Variants in CRYBG1 observed in about 807,000 individuals in gnomAD.
The protein encoded by CRYBG1 is crystallin beta-gamma domain containing 1.
CRYBG1 carries 139 observed loss-of-function variants against 189.2 expected under a neutral mutation model. That is an observed-to-expected ratio of 0.73 (90% CI 0.64 to 0.85). The LOEUF (loss-of-function observed/expected upper bound fraction) is 0.85, where lower values mean the gene tolerates loss of function less well. Ranked by LOEUF, CRYBG1 falls within the 40% of genes least tolerant of loss-of-function variation. CRYBG1 has a pLI of 0.00. For synonymous variants in CRYBG1, 1,023 were observed against 1,017.1 expected, an observed-to-expected ratio of 1.01 and a Z score of -0.11; for missense variants, 2,611 against 2,675.8, an observed-to-expected ratio of 0.98 and a Z score of 0.53.
At chr6:106,401,417 T>C (rs1770717829) in intron 1 of CRYBG1, among the ~76,000 whole-genome samples, 1 of 150,528 alleles carries the variant, frequency 6.6e-6, no homozygotes, top group South Asian at 2.1e-4. Flanking sequence ...TTTTCTTTTT[T>C]TATTATACTC....
chr6:106,524,454 T>C (rs1266522792), intron 4 of CRYBG1, among the ~76,000 whole-genome samples: 1 of 151,962 alleles, frequency 6.6e-6, no homozygotes, highest in African/African-American at 2.4e-5. Flanking sequence ...TAGTCCCAGC[T>C]ACTCGGGAGG....
intron 1 of CRYBG1, among the ~76,000 whole-genome samples, chr6:106,382,736 T>C (rs1770309807): frequency 6.6e-6 from 1 of 152,242 alleles, no homozygotes; most frequent in African/African-American, 2.4e-5. Context: ...TTAATATTTA[T>C]GCCAGAATCA....
Position 106,519,468 on chromosome 6 carries a change from A to G in CRYBG1, c.2260A>G (p.Thr754Ala), listed in dbSNP as rs1468459151. 2.7e-5 allele frequency: 44 copies of G among 1,614,136 alleles called. No homozygotes were observed. The highest frequency in any genetic ancestry group is 3.6e-5 in the Non-Finnish European group (42 of 1,180,044). The stretch of plus-strand genomic sequence containing the variant: ...GGAAACTGCTATAGAAACCAAAGTT[A>G]CCGTCTCGGAAGAAGAGATTCTGCC... ...VKETAIETKV[T>A]VSEEEILPAT... Residue 754 changes from threonine to alanine, a missense_variant, in exon 4 of 22, where the codon ACC (threonine) becomes GCC (alanine). Around this residue, in one of 3 missense-constraint regions of CRYBG1, gnomAD observed 1,622 missense variants for 1,735.0 expected, o/e 0.93. Coordinates refer to ENST00000633556, the MANE Select transcript of CRYBG1 (RefSeq NM_001371242.2).
chr6:106,520,831 A>G lies in CRYBG1; in HGVS notation c.3623A>G (p.Asn1208Ser), dbSNP rs769906749. The G allele has an allele frequency of 1.2e-6, 2 of 1,614,122 alleles. No homozygotes were observed. The highest frequency in any genetic ancestry group is 2.2e-5 in the East Asian group (1 of 44,886). ...VLFKSLHTNT[N>S]GNSEPLVMPE... The stretch of plus-strand genomic sequence containing the variant: ...TTCAAGTCCCTGCACACCAACACTA[A>G]TGGGAACAGTGAGCCTCTGGTGATG... Residue 1208 changes from asparagine (N) to serine (S), a missense_variant, in exon 4 of 22, where the codon AAT becomes AGT. By Grantham distance (46) the Asn-to-Ser change is conservative. This residue lies in a region of CRYBG1 where 1,622 missense variants were observed against 1,735.0 expected (regional missense o/e 0.93). Transcript: ENST00000633556.
At position 106,525,156 on chromosome 6, in the gene CRYBG1, T is replaced by C. The variant is rs369429018; in HGVS notation, c.4269T>C (p.Asn1423=). ...AGACACTTAGAGGAAGTGTCCAAAATAAACTCAATCCCCGACCTGGAAAGG... is the reference window on the plus strand; with the variant it reads ...AGACACTTAGAGGAAGTGTCCAAAACAAACTCAATCCCCGACCTGGAAAGG... The part of the protein sequence containing the change: ...DTMTLRGSVQ[N]KLNPRPGKVV... The change falls in exon 5 of 22, where the codon AAT becomes AAC. Residue 1423 remains asparagine (N), a synonymous_variant. Transcript: ENST00000633556. 3.6e-5 allele frequency: 58 copies of C among 1,614,154 alleles called. No homozygotes were observed. The Middle Eastern group carries it at 5.3e-3, about 147-fold the overall frequency.
At chr6:106,536,570 CAAGAT>C (rs1302151853) in intron 8 of CRYBG1, among the ~76,000 whole-genome samples, 2 of 152,150 alleles carry the variant, frequency 1.3e-5, no homozygotes, top group Non-Finnish European at 2.9e-5. Flanking sequence ...AGCAAGTGAA[CAAGAT>C]AAGACTGATT....
At chr6:106,538,154 ATGTT>A (rs1452864221) in intron 8 of CRYBG1, among the ~76,000 whole-genome samples, 2 of 137,976 alleles carry the variant, frequency 1.4e-5, no homozygotes, top group Non-Finnish European at 3.3e-5. Flanking sequence ...TAAGAAGTCT[ATGTT>A]TGTTTATGAA....
intron 2 of CRYBG1, among the ~76,000 whole-genome samples, chr6:106,481,572 C>CAG (rs3040864): frequency 0.069 from 10,503 of 152,070 alleles, 448 homozygotes; most frequent in East Asian, 0.17. Context: ...TTTGTTCTTC[C>CAG]GTCCCTCTCC....
At chr6:106,405,412 T>C (rs1005079623) in intron 1 of CRYBG1, among the ~76,000 whole-genome samples, 2 of 152,118 alleles carry the variant, frequency 1.3e-5, no homozygotes, top group African/African-American at 4.8e-5. Flanking sequence ...AACTCCCATC[T>C]CCCTGGGACA....
chr6:106,536,235 GT>G (rs1177583357), intron 8 of CRYBG1, among the ~76,000 whole-genome samples: 1 of 150,134 alleles, frequency 6.7e-6, no homozygotes, highest in East Asian at 1.9e-4. Flanking sequence ...AGGCCAAACA[GT>G]TTTGGCACGG....
rs72943013 is a variant in CRYBG1, at chr6:106,557,924, T to C, written c.5716-562T>C. Among the ~76,000 whole-genome samples the C allele has an allele frequency of 1.9e-3, 297 of 152,370 alleles. 1 individual carries two copies. Among genetic ancestry groups the C allele is most frequent in the Admixed American group, 3.7e-3 (56 of 15,308 alleles). ...CAGTTTGAACATAGAGCTTCCATCCTGTTGTTTTTTTTCTCTCCTCTTGAC... is the reference window on the plus strand; with the variant it reads ...CAGTTTGAACATAGAGCTTCCATCCCGTTGTTTTTTTTCTCTCCTCTTGAC... On this transcript the variant is annotated intron_variant, in intron 17 of 21. Coordinates refer to ENST00000633556, the MANE Select transcript of CRYBG1 (RefSeq NM_001371242.2).
chr6:106,519,048 T>C (rs1226057150), intron 3 of CRYBG1, 83 bp from the exon 4 acceptor site: 2 of 1,442,854 alleles, frequency 1.4e-6, no homozygotes, highest in Non-Finnish European at 1.9e-6. Flanking sequence ...TGTTGGCTTT[T>C]CATAGTTTTA....
Position 106,555,356 on chromosome 6 carries a change from G to A in CRYBG1, c.5586-412G>A, listed in dbSNP as rs141646952. On this transcript the variant is annotated intron_variant, in intron 16 of 21. Coordinates refer to ENST00000633556, the MANE Select transcript of CRYBG1 (RefSeq NM_001371242.2). Reference sequence around the variant, plus strand: ...TAGAAATGAGGATAGAGGAGTGTGCGAGAAATTTTGGAAGGAAATCAATAG... The same window carrying A: ...TAGAAATGAGGATAGAGGAGTGTGCAAGAAATTTTGGAAGGAAATCAATAG... Among the ~76,000 whole-genome samples, 480 of 152,112 alleles carry A rather than the reference G, an allele frequency of 3.2e-3. 5 individuals are homozygous for A. Among genetic ancestry groups the A allele is most frequent in the African/African-American group, 0.011 (448 of 41,508 alleles).
chr6:106,395,340 T>C (rs1770583631), intron 1 of CRYBG1, among the ~76,000 whole-genome samples: 1 of 151,916 alleles, frequency 6.6e-6, no homozygotes, highest in East Asian at 1.9e-4. Context: ...TTCTTTTTTA[T>C]TTTATTAATT....
intron 1 of CRYBG1, among the ~76,000 whole-genome samples, chr6:106,380,013 C>T (rs377680905): frequency 5.3e-5 from 8 of 152,322 alleles, no homozygotes; most frequent in African/African-American, 1.9e-4. Flanking sequence ...GTTTGACTCT[C>T]ACTTACTTTG....
In CRYBG1 at chr6:106,553,691, T is replaced by C. The variant is rs370245297; in HGVS notation, c.5585+124T>C. On this transcript the variant is annotated intron_variant, in intron 16 of 21. Transcript: ENST00000633556. ...ATGCGAAACCACCATCTTAGTCCAA[T>C]GGCGTGCTTCGTGATATCTGAGTAC... 1.0e-3 allele frequency: 723 copies of C among 705,388 alleles called. 6 individuals carry two copies. The African/African-American group carries it at 0.011, about 11-fold the overall frequency. 43.7% of individuals were successfully genotyped at this position (705,388 alleles called of 1,614,324 possible).
chr6:106,498,947 A>G (rs897210582), intron 2 of CRYBG1, among the ~76,000 whole-genome samples: 4 of 152,132 alleles, frequency 2.6e-5, no homozygotes, highest in Admixed American at 2.6e-4. Context: ...ACCAAACAAC[A>G]TATACAAAAT....
intron 2 of CRYBG1, among the ~76,000 whole-genome samples, chr6:106,460,695 G>C (rs1771992363): frequency 6.6e-6 from 1 of 152,148 alleles, no homozygotes; most frequent in South Asian, 2.1e-4. Context: ...AATGAAACTA[G>C]ATGAAGGTCT....
intron 8 of CRYBG1, among the ~76,000 whole-genome samples, chr6:106,532,219 G>A (rs1773889787): frequency 6.6e-6 from 1 of 151,964 alleles, no homozygotes; most frequent in African/African-American, 2.4e-5. Context: ...ATATATTATT[G>A]TTAATCATAG....
Sources: gnomAD v4.1 joint callset for allele counts (sites outside exome capture counted in the v4.1 genomes callset) on GRCh38, gnomAD v4.1.1 for gene constraint, gnomAD v4.1.1 regional missense constraint, MANE v1.5 for transcripts, NCBI Gene and HGNC (gene_info 2026-07-23, HGNC 2026-07-21) for gene names.